TMEM94: variants seen among roughly 807,000 people sequenced by gnomAD.
TMEM94 encodes transmembrane protein 94.
A neutral mutation model predicts 158.6 loss-of-function variants in TMEM94; 81 were observed. That is an observed-to-expected ratio of 0.51 (90% CI 0.43 to 0.61). The LOEUF is 0.61. Ranked by LOEUF, TMEM94 falls within the 20% of genes least tolerant of loss-of-function variation. TMEM94 has a pLI of 0.00. For synonymous variants in TMEM94, 751 were observed against 730.7 expected (o/e 1.03, Z -0.45); for missense variants, 1,435 against 1,762.0 (o/e 0.81, Z 3.32).
intron 1 of TMEM94, among the ~76,000 whole-genome samples, chr17:75,469,779 C>A (rs1244571683): frequency 1.3e-5 from 2 of 151,940 alleles, no homozygotes; most frequent in Non-Finnish European, 2.9e-5. Flanking sequence ...AGCAAGACCC[C>A]ATCTCTACCA....
intron 10 of TMEM94, 94 bp from the exon 11 acceptor site, chr17:75,490,608 C>A: frequency 8.4e-7 from 1 of 1,189,288 alleles, no homozygotes; most frequent in Non-Finnish European, 1.2e-6. Flanking sequence ...GGGTTGGGAG[C>A]CCCGCTGGTG....
At chr17:75,468,864 C>T (rs2050397900) in intron 1 of TMEM94, among the ~76,000 whole-genome samples, 1 of 152,166 alleles carries the variant, frequency 6.6e-6, no homozygotes, top group South Asian at 2.1e-4. Context: ...AAGGCTTGCT[C>T]CTGGCCCCCA....
chr17:75,490,653 G>A (rs1263237590), intron 10 of TMEM94, 49 bp from the exon 11 acceptor site: 2 of 1,552,706 alleles, frequency 1.3e-6, no homozygotes, highest in Admixed American at 1.7e-5. Flanking sequence ...AGAGGCCTGT[G>A]TGAAGGCGGC....
Position 75,496,754 on chromosome 17 carries a change from C to T in TMEM94, c.3268C>T (p.Arg1090Cys), listed in dbSNP as rs774774722. The T allele has an allele frequency of 3.1e-6, 5 of 1,613,800 alleles. No homozygotes were observed. The highest frequency in any genetic ancestry group is 2.2e-5 in the East Asian group (1 of 44,896). The change falls in exon 25 of 32, where the codon CGT (arginine) becomes TGT (cysteine). Residue 1090 changes from arginine (R) to cysteine (C), a missense_variant. Physicochemically the swap from Arg to Cys is radical, Grantham distance 180. Coordinates refer to ENST00000314256, the MANE Select transcript of TMEM94 (RefSeq NM_014738.6). ...EQARHATYGI[R>C]KCFLFLLQCQ... Reference sequence around the variant, plus strand: ...GGCTCGGCATGCCACCTATGGCATCCGTAAGTGCTTCCTCTTCCTGCTGCA... The same window carrying T: ...GGCTCGGCATGCCACCTATGGCATCTGTAAGTGCTTCCTCTTCCTGCTGCA...
rs530264667 is a variant in TMEM94 at position 75,467,036 on chromosome 17, G to A, written c.-106-4764G>A. On this transcript the variant is annotated intron_variant, in intron 1 of 31. Transcript: ENST00000314256. ...GTCACCCAGGCTGGAGTGCAATGAT[G>A]TGATCTCGGCTCACTGCAACCTCTG... 1.5e-3 allele frequency among the ~76,000 whole-genome samples: 220 copies of A among 144,454 alleles called. 1 individual carries two copies. The highest frequency in any genetic ancestry group is 0.014 in the South Asian group (64 of 4,510). The allele number at this position is 144,454 out of a possible 152,430, so 94.8% of individuals were successfully genotyped here. A position where few individuals can be genotyped will look rare whatever the true frequency, so the allele number is the denominator to read the frequency against.
intron 2 of TMEM94, among the ~76,000 whole-genome samples, chr17:75,474,360 G>A (rs1485706272): frequency 6.6e-6 from 1 of 152,104 alleles, no homozygotes; most frequent in African/African-American, 2.4e-5. Context: ...ATAAAAATTA[G>A]CTGGGTGTGG....
chr17:75,493,701 A>G lies in TMEM94; in HGVS notation c.2192A>G (p.Lys731Arg), dbSNP rs1349343250. ...DIYPLSGSDR[K>R]KVLDFYQRAC... The stretch of plus-strand genomic sequence containing the variant: ...ACCTCCGCCTGCTTCCCTGGCAGAA[A>G]GAAAGTGCTGGACTTCTACCAGCGA... Residue 731 changes from lysine to arginine, a missense_variant and splice_region_variant, in exon 18 of 32, where the codon AAG becomes AGG. Coordinates refer to ENST00000314256, the MANE Select transcript of TMEM94 (RefSeq NM_014738.6). 1.2e-6 allele frequency: 2 copies of G among 1,613,970 alleles called. No homozygotes were observed. Among genetic ancestry groups the G allele is most frequent in the Non-Finnish European group, 1.7e-6 (2 of 1,180,014 alleles).
intron 2 of TMEM94, among the ~76,000 whole-genome samples, chr17:75,483,910 A>T (rs1317284796): frequency 1.3e-5 from 2 of 152,150 alleles, no homozygotes; most frequent in Admixed American, 1.3e-4. Context: ...GTGACTGTGG[A>T]TGAGGTTGCT....
chr17:75,461,303 T>TTGGCCATGC (rs2050060276), intron 1 of TMEM94, among the ~76,000 whole-genome samples: 1 of 151,908 alleles, frequency 6.6e-6, no homozygotes, highest in South Asian at 2.1e-4. Flanking sequence ...TTTCGCCATG[T>TTGGCCATGC]TGGCCATGCT....
intron 1 of TMEM94, among the ~76,000 whole-genome samples, chr17:75,467,971 C>T (rs1052210342): frequency 6.6e-6 from 1 of 152,032 alleles, no homozygotes; most frequent in African/African-American, 2.4e-5. Context: ...TATACTAGAC[C>T]CCCTGCATAT....
intron 1 of TMEM94, among the ~76,000 whole-genome samples, chr17:75,456,981 G>T (rs2049912351): frequency 6.6e-6 from 1 of 152,148 alleles, no homozygotes; most frequent in African/African-American, 2.4e-5. Context: ...GCCCTGGATT[G>T]GTCCATTGTG....
Position 75,496,329 on chromosome 17 carries a change from T to G in TMEM94, c.3101T>G (p.Phe1034Cys). ...CCATCCCGTTGCTCCTGGGAGACCT[T>G]TGGCTACGCCACCAGCATCAGCATG... is the stretch of plus-strand genomic sequence containing the variant. ...LYPSRCSWETFGYATSISMAQ... is the reference protein window; with the variant it reads ...LYPSRCSWETCGYATSISMAQ... Residue 1034 changes from phenylalanine to cysteine, a missense_variant, in exon 24 of 32, where the codon TTT becomes TGT. Around this residue, in one of 3 missense-constraint regions of TMEM94, gnomAD observed 335 missense variants for 409.1 expected, o/e 0.82. Transcript: ENST00000314256. 6.2e-7 allele frequency: 1 copy of G among 1,614,130 alleles called. No homozygotes were observed. Among genetic ancestry groups the G allele is most frequent in the South Asian group, 1.1e-5 (1 of 91,086 alleles).
intron 1 of TMEM94, among the ~76,000 whole-genome samples, chr17:75,464,652 CTTCCTTCCTTCCTTCCTTCCTTCCTTCT>C (rs1567906838): frequency 1.9e-4 from 23 of 118,406 alleles, no homozygotes; most frequent in African/African-American, 4.0e-4. Context: ...TCCTTCCTTC[CTTCCTTCCTTCCTTCCTTCCTTCCTTCT>C]TTCTTTCTTT....
In TMEM94 at chr17:75,489,427, G is replaced by A; in HGVS notation, c.867+59G>A. ...GGCAGAGGAGAGGGCTGGACACGGG[G>A]GGGTCTCAGGGCCACTCACATGAGC... On this transcript the variant is annotated intron_variant, in intron 8 of 31. Transcript: ENST00000314256. The surrounding 1 kb of genome is among the most constrained non-coding windows in gnomAD (Gnocchi z 5.0). 6.5e-7 allele frequency: 1 copy of A among 1,544,580 alleles called. No individual in the cohort carries two copies. The highest frequency in any genetic ancestry group is 8.9e-7 in the Non-Finnish European group (1 of 1,117,554).
Position 75,497,211 on chromosome 17 carries a change from G to GT in TMEM94, c.3407+14dup. On this transcript the variant is annotated intron_variant, in intron 26 of 31. Transcript: ENST00000314256. ...ACCCTCTGCTCAGGTGAGATGCCAT[G>GT]TATCTTCCCCACACCCCATGCCTAA... 1 of 1,607,016 alleles carries GT rather than the reference G, an allele frequency of 6.2e-7. No individual in the cohort carries two copies. Among genetic ancestry groups the GT allele is most frequent in the African/African-American group, 1.3e-5 (1 of 74,820 alleles).
intron 1 of TMEM94, among the ~76,000 whole-genome samples, chr17:75,465,965 C>T (rs924291742): frequency 6.6e-6 from 1 of 152,062 alleles, no homozygotes; most frequent in Non-Finnish European, 1.5e-5. Flanking sequence ...GTTGCCTAGA[C>T]TGGAGTGAAG....
rs1173670396 is a variant in TMEM94 at position 75,489,491 on chromosome 17, T to C, written c.868-85T>C. The C allele has an allele frequency of 6.7e-6, 10 of 1,488,464 alleles. No individual in the cohort carries two copies. Among genetic ancestry groups the C allele is most frequent in the South Asian group, 1.1e-5 (1 of 88,434 alleles). The allele number at this position is 1,488,464 out of a possible 1,614,324, so 92.2% of individuals were successfully genotyped here. A position where few individuals can be genotyped will look rare whatever the true frequency, so the allele number is the denominator to read the frequency against. ...GAGGGTCCCAGAGTGAGCCAGCCTG[T>C]GGAGTAGCAAAGGAAGGGGAACGGC... On this transcript the variant is annotated intron_variant, in intron 8 of 31. Transcript: ENST00000314256. The surrounding 1 kb of genome is among the most constrained non-coding windows in gnomAD (Gnocchi z 5.0).
chr17:75,474,337 C>G (rs1053342286), intron 2 of TMEM94, among the ~76,000 whole-genome samples: 7 of 152,082 alleles, frequency 4.6e-5, no homozygotes, highest in Non-Finnish European at 1.0e-4. Flanking sequence ...GAAACCCTGT[C>G]TCTACTAAAA....
chr17:75,495,251 C>A lies in TMEM94; in HGVS notation c.2729-33C>A. 1 of 1,541,444 alleles carries A rather than the reference C, an allele frequency of 6.5e-7. No homozygotes were observed. Among genetic ancestry groups the A allele is most frequent in the Non-Finnish European group, 8.9e-7 (1 of 1,127,752 alleles). Reference sequence around the variant, plus strand: ...AAGGACAGGTTCCCAGAAGGCTGGTCCCAAGGTGAGGGAGAGGCTTTTGTC... The same window carrying A: ...AAGGACAGGTTCCCAGAAGGCTGGTACCAAGGTGAGGGAGAGGCTTTTGTC... On this transcript the variant is annotated intron_variant, in intron 20 of 31. Transcript: ENST00000314256. This position sits in a 1 kb window ranked among gnomAD's most constrained non-coding sequence, Gnocchi z 5.6.
Sources: allele counts gnomAD v4.1 joint callset (sites outside exome capture counted in the v4.1 genomes callset), GRCh38; gene constraint gnomAD v4.1.1; regional missense constraint gnomAD v4.1.1; non-coding constraint Gnocchi (gnomAD v3.1); transcripts MANE v1.5; gene names NCBI Gene and HGNC (gene_info 2026-07-23, HGNC 2026-07-21).